CCNB3: variants seen among roughly 807,000 people sequenced by gnomAD.
The protein encoded by CCNB3 is cyclin B3, also known as G2/mitotic-specific cyclin-B3.
In CCNB3, 12 loss-of-function variants were observed where a neutral mutation model predicts 68.0. The ratio of observed to expected loss-of-function variants is 0.18; its 90% confidence interval spans 0.11 to 0.29. CCNB3 has a LOEUF of 0.29. Among genes scored for constraint, CCNB3 ranks in the 10% least tolerant of loss-of-function variants. The pLI, the probability that CCNB3 is intolerant of heterozygous loss-of-function variation, is 1.00. For synonymous variants in CCNB3, 354 were observed against 388.9 expected (o/e 0.91, Z 1.06); for missense variants, 904 against 993.1 (o/e 0.91, Z 1.21).
Position 50,319,613 on chromosome X carries a change from T to G in CCNB3, c.3516+5665T>G, listed in dbSNP as rs782192954. Among the ~76,000 whole-genome samples the G allele has an allele frequency of 1.4e-4, 16 of 111,330 alleles. No individual in the cohort carries two copies. In the South Asian group the frequency reaches 6.1e-3, roughly 42 times the overall value. On this transcript the variant is annotated intron_variant, in intron 8 of 12. Transcript: ENST00000376042. ...ATGCTTTTTATTTTATTTTCATGTT[T>G]TATTATACTGCCTGAGACTTCCATT...
Position 50,226,718 on chromosome X carries a change from C to CAGAATATACATATGAATATGTACAT in CCNB3, c.-113+21802_-113+21826dup, listed in dbSNP as rs1935832664. On this transcript the variant is annotated intron_variant, in intron 1 of 12. Transcript: ENST00000376042. ...TAGAATATACATATGAATATGTACA[C>CAGAATATACATATGAATATGTACAT]AGAATATACATATGAATATGTACAT... Among the ~76,000 whole-genome samples the CAGAATATACATATGAATATGTACAT allele has an allele frequency of 1.1e-4, 7 of 66,362 alleles. 1 individual carries two copies. Among genetic ancestry groups the CAGAATATACATATGAATATGTACAT allele is most frequent in the East Asian group, 4.2e-4 (1 of 2,365 alleles). The allele number at this position is 66,362 out of a possible 115,157, so 57.6% of individuals were successfully genotyped here.
chrX:50,279,248 A>ACT (rs1936025612), intron 1 of CCNB3, among the ~76,000 whole-genome samples: 3 of 69,633 alleles, frequency 4.3e-5, no homozygotes, highest in African/African-American at 1.2e-4. Context: ...GAATATATAT[A>ACT]CTATATATAA....
chrX:50,331,058 A>T (rs1439961384), intron 8 of CCNB3, among the ~76,000 whole-genome samples: 7 of 111,776 alleles, frequency 6.3e-5, no homozygotes, highest in African/African-American at 2.0e-4. Flanking sequence ...CCCACGTAGC[A>T]GGCCCATAAT....
At chrX:50,322,068 T>A (rs782461117) in intron 8 of CCNB3, among the ~76,000 whole-genome samples, 180 of 96,266 alleles carry the variant, frequency 1.9e-3, no homozygotes, top group Admixed American at 2.9e-3. Flanking sequence ...CCATATGAAC[T>A]TTAAAGAAGT....
chrX:50,315,276 G>A (rs5915255), intron 8 of CCNB3, among the ~76,000 whole-genome samples: 47,853 of 110,196 alleles, frequency 0.43, 8,808 homozygotes, highest in Non-Finnish European at 0.58. Flanking sequence ...TATACCCCTT[G>A]AAAGAGAATC....
At chrX:50,226,434 A>AAAATATATATAGAATATATAT (rs1410195953) in intron 1 of CCNB3, among the ~76,000 whole-genome samples, 24 of 24,879 alleles carry the variant, frequency 9.6e-4, no homozygotes, top group African/African-American at 2.9e-3. Flanking sequence ...AGAATATATA[A>AAAATATATATAGAATATATAT]AAATATATAT....
At chrX:50,346,840 A>G (rs1703604387) in intron 10 of CCNB3, 33 bp downstream of exon 10, 1 of 1,185,853 alleles carries the variant, frequency 8.4e-7, no homozygotes, top group Non-Finnish European at 1.1e-6. Flanking sequence ...TCATTCTCCC[A>G]CTGCTGAGTT....
At chrX:50,302,405 C>T (rs1489783071) in intron 5 of CCNB3, among the ~76,000 whole-genome samples, 2 of 112,000 alleles carry the variant, frequency 1.8e-5, no homozygotes, top group African/African-American at 3.2e-5. Context: ...TTACTGAGAG[C>T]TCACTGTGAT....
intron 8 of CCNB3, among the ~76,000 whole-genome samples, chrX:50,328,183 G>A (rs1276720954): frequency 8.9e-6 from 1 of 112,639 alleles, no homozygotes; most frequent in African/African-American, 3.2e-5. Context: ...TAAAGAATTG[G>A]TGTTGTTGTA....
At chrX:50,301,368 T>G (rs1557212594) in intron 5 of CCNB3, among the ~76,000 whole-genome samples, 1 of 112,411 alleles carries the variant, frequency 8.9e-6, no homozygotes, top group East Asian at 2.8e-4. Flanking sequence ...GACCCTCAGC[T>G]GCAGGTCTGT....
chrX:50,298,987 G>T (rs1308916097), intron 5 of CCNB3, among the ~76,000 whole-genome samples: 10 of 111,199 alleles, frequency 9.0e-5, no homozygotes, highest in Non-Finnish European at 1.9e-4. Flanking sequence ...TATCCCCTTT[G>T]TCATTTTTTA....
intron 9 of CCNB3, among the ~76,000 whole-genome samples, chrX:50,342,738 G>A (rs1197526057): frequency 5.4e-5 from 6 of 111,241 alleles, no homozygotes; most frequent in African/African-American, 6.6e-5. Flanking sequence ...ACAAGGTCTC[G>A]CTCTGTTGCC....
intron 1 of CCNB3, among the ~76,000 whole-genome samples, chrX:50,227,314 T>C (rs1433689397): frequency 2.3e-5 from 2 of 85,288 alleles, no homozygotes; most frequent in Admixed American, 1.7e-4. Flanking sequence ...TAAATATACA[T>C]ACAGAATATA....
rs1306364602 is a variant in CCNB3, at chrX:50,285,234, C to A, written c.71C>A (p.Pro24His). 3.3e-6 allele frequency: 4 copies of A among 1,206,849 alleles called. No individual in the cohort carries two copies. The African/African-American group carries it at 5.3e-5, about 16-fold the overall frequency. ...AAATCTCAGTCCAGCAAAATTGTGC[C>A]CAGTCATCATGACCCATCTGAAAAG... ...PKKSQSSKIV[P>H]SHHDPSEKTG... The change falls in exon 3 of 13, where the codon CCC (proline) becomes CAC (histidine). Residue 24 changes from proline (P) to histidine (H), a missense_variant. Physicochemically the swap from Pro to His is moderately conservative, Grantham distance 77 (BLOSUM62 -2). This residue lies in a region of CCNB3 where 619 missense variants were observed against 609.8 expected (regional missense o/e 1.02). Coordinates refer to ENST00000376042, the MANE Select transcript of CCNB3 (RefSeq NM_033031.3).
Position 50,329,277 on chromosome X carries a change from C to A in CCNB3, c.3517-12925C>A, listed in dbSNP as rs1311257820. 3.6e-5 allele frequency among the ~76,000 whole-genome samples: 4 copies of A among 112,264 alleles called. No individual in the cohort carries two copies. In the East Asian group the frequency reaches 1.1e-3, roughly 32 times the overall value. On this transcript the variant is annotated intron_variant, in intron 8 of 12. Coordinates refer to ENST00000376042, the MANE Select transcript of CCNB3 (RefSeq NM_033031.3). ...GGGGGTTCAACCCCATATTTCCCTT[C>A]CAAACTGCCCTCATAAAGGTTCTCT...
At chrX:50,294,594 C>T (rs1258541732) in intron 4 of CCNB3, among the ~76,000 whole-genome samples, 3 of 111,574 alleles carry the variant, frequency 2.7e-5, no homozygotes, top group Non-Finnish European at 3.8e-5. Flanking sequence ...GAACTACATC[C>T]TGTATCTCTT....
At chrX:50,294,754 A>G in intron 4 of CCNB3, 109 bp from the exon 5 acceptor site, 1 of 942,382 alleles carries the variant, frequency 1.1e-6, no homozygotes, top group East Asian at 3.2e-5. Context: ...CAACCAACTT[A>G]TGTGGGTCAG....
rs782615750 is a variant in CCNB3 at position 50,324,660 on chromosome X, G to T, written c.3516+10712G>T. 2.6e-4 allele frequency among the ~76,000 whole-genome samples: 29 copies of T among 111,596 alleles called. No individual in the cohort carries two copies. In the Admixed American group the frequency reaches 2.8e-3, roughly 11 times the overall value. ...TTTATTTTATTCTTGTTTTGCTAAGGTTTATTTTGTTGTTTTCCCTGGCTG... is the reference window on the plus strand; with the variant it reads ...TTTATTTTATTCTTGTTTTGCTAAGTTTTATTTTGTTGTTTTCCCTGGCTG... On this transcript the variant is annotated intron_variant, in intron 8 of 12. Transcript: ENST00000376042.
rs1557214504 is a variant in CCNB3 at position 50,310,279 on chromosome X, G to A, written c.2110G>A (p.Glu704Lys). ...CTTGCAAGAGAAGACTGATGCCGAA[G>A]AGGATTCCTTGAAGAACTTGTTGGC... ...LVLQEKTDAE[E>K]DSLKNLLALQ... Residue 704 changes from glutamate to lysine, a missense_variant, in exon 6 of 13, where the codon GAG becomes AAG. This residue lies in a region of CCNB3 where 619 missense variants were observed against 609.8 expected (regional missense o/e 1.02). Coordinates refer to ENST00000376042, the MANE Select transcript of CCNB3 (RefSeq NM_033031.3). 1 of 1,210,303 alleles carries A rather than the reference G, an allele frequency of 8.3e-7. No individual in the cohort carries two copies. The highest frequency in any genetic ancestry group is 3.0e-5 in the East Asian group (1 of 33,742).
Sources: allele counts gnomAD v4.1 joint callset (sites outside exome capture counted in the v4.1 genomes callset), GRCh38; gene constraint gnomAD v4.1.1; regional missense constraint gnomAD v4.1.1; transcripts MANE v1.5; gene names NCBI Gene and HGNC (gene_info 2026-07-23, HGNC 2026-07-21).